Variants in WDR41 observed in about 807,000 individuals in gnomAD.
The protein encoded by WDR41 is WD repeat domain 41, also known as WD repeat-containing protein 41.
WDR41 carries 63 observed loss-of-function variants against 69.3 expected under a neutral mutation model. That is an observed-to-expected ratio of 0.91 (90% CI 0.74 to 1.12). The LOEUF is 1.12. Among genes scored for constraint, WDR41 ranks in the 50% most tolerant of loss-of-function variants. The pLI is 0.00. For synonymous variants in WDR41, 185 were observed against 192.1 expected (o/e 0.96, Z 0.31); for missense variants, 543 against 534.5 (o/e 1.02, Z -0.16).
At chr5:77,531,928 A>C (rs780090646) in intron 1 of WDR41, among the ~76,000 whole-genome samples, 2 of 152,046 alleles carry the variant, frequency 1.3e-5, no homozygotes, top group Non-Finnish European at 2.9e-5. Flanking sequence ...AAAGGAGATC[A>C]GTAGTTGCCA....
intron 1 of WDR41, among the ~76,000 whole-genome samples, chr5:77,531,064 A>G (rs1802522489): frequency 1.3e-5 from 2 of 151,844 alleles, no homozygotes; most frequent in African/African-American, 4.8e-5. Context: ...TTAGGAAAAA[A>G]CAGGGGTAAA....
intron 1 of WDR41, among the ~76,000 whole-genome samples, chr5:77,531,599 T>G (rs1802529848): frequency 6.6e-6 from 1 of 151,932 alleles, no homozygotes; most frequent in South Asian, 2.1e-4. Context: ...CTTAGAAAGT[T>G]AAACATAGAA....
intron 1 of WDR41, among the ~76,000 whole-genome samples, chr5:77,555,590 G>A (rs12515508): frequency 0.28 from 42,703 of 152,056 alleles, 6,328 homozygotes; most frequent in Non-Finnish European, 0.33. Flanking sequence ...GATTACAGGT[G>A]TGAGCCACCC....
intron 1 of WDR41, among the ~76,000 whole-genome samples, chr5:77,503,190 C>CAAAAAAA (rs144057313): frequency 2.7e-4 from 20 of 74,318 alleles, no homozygotes; most frequent in Admixed American, 6.2e-4. Flanking sequence ...AAATGGAAAG[C>CAAAAAAA]AAAAAAAAAA....
At chr5:77,471,157 A>C (rs1343612961) in intron 2 of WDR41, among the ~76,000 whole-genome samples, 1 of 152,248 alleles carries the variant, frequency 6.6e-6, no homozygotes, top group Non-Finnish European at 1.5e-5. Context: ...GAAACTGAAC[A>C]ACCTGCTCCT....
intron 7 of WDR41, among the ~76,000 whole-genome samples, chr5:77,450,084 T>C (rs1334752161): frequency 3.3e-5 from 5 of 152,206 alleles, no homozygotes; most frequent in Admixed American, 3.3e-4. Flanking sequence ...ACTGAATGTG[T>C]CCTGAAGAAC....
chr5:77,512,291 A>G (rs1426919779), intron 1 of WDR41, among the ~76,000 whole-genome samples: 1 of 149,798 alleles, frequency 6.7e-6, no homozygotes, highest in African/African-American at 2.5e-5. Flanking sequence ...GTGCCCCACA[A>G]AGTTAAGAAA....
chr5:77,510,335 C>T (rs1802179305), intron 1 of WDR41, among the ~76,000 whole-genome samples: 1 of 152,166 alleles, frequency 6.6e-6, no homozygotes, highest in Non-Finnish European at 1.5e-5. Flanking sequence ...ATGACTCAGT[C>T]ATCTCCCACC....
chr5:77,433,158 C>T lies in WDR41; in HGVS notation c.1357G>A (p.Gly453Ser). 1.2e-6 allele frequency: 2 copies of T among 1,613,106 alleles called. No homozygotes were observed. The highest frequency in any genetic ancestry group is 1.7e-4 in the Middle Eastern group (1 of 6,054). The change falls in exon 13 of 13, where the codon GGT becomes AGT. Residue 453 changes from glycine (G) to serine (S), a missense_variant. Physicochemically the swap from Gly to Ser is moderately conservative, Grantham distance 56 (BLOSUM62 0). Transcript: ENST00000296679. ...LRLFQKLEEN[G>S]DLYLAV ...AACTAGACAGCAAGGTATAAGTCAC[C>T]ATTCTCCTCTAATTTTTGAAATAAT...
At chr5:77,529,644 C>T (rs918604322) in intron 1 of WDR41, among the ~76,000 whole-genome samples, 4 of 151,386 alleles carry the variant, frequency 2.6e-5, no homozygotes. Context: ...AGAATTAAGT[C>T]AATGTGGTAT....
In WDR41 at chr5:77,433,010, T is replaced by C. The variant is rs904602809; in HGVS notation, c.*125A>G. 8.9e-6 allele frequency: 10 copies of C among 1,123,354 alleles called. No individual in the cohort carries two copies. The South Asian group carries it at 9.1e-5, about 10-fold the overall frequency. 69.6% of individuals were successfully genotyped at this position (1,123,354 alleles called of 1,614,324 possible). A position where few individuals can be genotyped will look rare whatever the true frequency, so the allele number is the denominator to read the frequency against. On this transcript the variant is annotated 3_prime_UTR_variant, in exon 13 of 13. Transcript: ENST00000296679. ...GGTAGGTCCACAAAAAATTTAAACA[T>C]GTAGAATTTTATGGACTGACAAAAA...
chr5:77,431,853 T>C lies in WDR41; in HGVS notation c.*1282A>G, dbSNP rs933170241. Reference sequence around the variant, plus strand: ...CCATAGAACTTTTCATGACTCAATGTTGTTTGGATTTAAAGTAGTCATATA... The same window carrying C: ...CCATAGAACTTTTCATGACTCAATGCTGTTTGGATTTAAAGTAGTCATATA... On this transcript the variant is annotated 3_prime_UTR_variant, in exon 13 of 13. Coordinates refer to ENST00000296679, the MANE Select transcript of WDR41 (RefSeq NM_018268.4). 1.2e-4 allele frequency: 17 copies of C among 146,046 alleles called. No homozygotes were observed. The highest frequency in any genetic ancestry group is 4.3e-4 in the African/African-American group (17 of 39,204). The allele number at this position is 146,046 out of a possible 1,614,324, so 9.0% of individuals were successfully genotyped here. A position where few individuals can be genotyped will look rare whatever the true frequency, so the allele number is the denominator to read the frequency against.
chr5:77,554,391 G>A (rs1449237523), intron 1 of WDR41, among the ~76,000 whole-genome samples: 1 of 152,054 alleles, frequency 6.6e-6, no homozygotes, highest in African/African-American at 2.4e-5. Flanking sequence ...CCTTTGGGAG[G>A]TGATTAGGTC....
upstream of WDR41, chr5:77,492,477 C>T: frequency 4.7e-6 from 2 of 423,030 alleles, no homozygotes; most frequent in Admixed American, 4.5e-5. Context: ...GGGGCGGCTG[C>T]GGCGATTGCG....
intron 1 of WDR41, among the ~76,000 whole-genome samples, chr5:77,615,176 AAG>A (rs1164503680): frequency 6.6e-6 from 1 of 152,190 alleles, no homozygotes; most frequent in Non-Finnish European, 1.5e-5. Flanking sequence ...TTGTCTAAAA[AAG>A]AAAAAAAGTC....
At chr5:77,445,782 A>G (rs1314015252) in intron 8 of WDR41, among the ~76,000 whole-genome samples, 1 of 152,242 alleles carries the variant, frequency 6.6e-6, no homozygotes, top group Admixed American at 6.5e-5. Context: ...TCTCAAAATA[A>G]TAAGAGCTAT....
intron 1 of WDR41, among the ~76,000 whole-genome samples, chr5:77,519,516 TAA>T (rs1802341905): frequency 6.6e-6 from 1 of 152,022 alleles, no homozygotes; most frequent in Non-Finnish European, 1.5e-5. Context: ...CAAAATATAC[TAA>T]GAGTTCAAAC....
chr5:77,502,853 G>C (rs1215258386), intron 1 of WDR41, among the ~76,000 whole-genome samples: 1 of 152,134 alleles, frequency 6.6e-6, no homozygotes, highest in Non-Finnish European at 1.5e-5. Flanking sequence ...CCTTACAAGA[G>C]CTCCTGAAGG....
intron 1 of WDR41, among the ~76,000 whole-genome samples, chr5:77,570,220 G>A (rs1344942187): frequency 6.6e-6 from 1 of 151,796 alleles, no homozygotes; most frequent in Non-Finnish European, 1.5e-5. Context: ...TTTCCCTCAG[G>A]TTCTCCATCA....
Sources: allele counts gnomAD v4.1 joint callset (sites outside exome capture counted in the v4.1 genomes callset), GRCh38; gene constraint gnomAD v4.1.1; transcripts MANE v1.5; gene names NCBI Gene and HGNC (gene_info 2026-07-23, HGNC 2026-07-21).